The following ATP6V0A2 variants were observed in gnomAD, a reference collection of about 807,000 sequenced individuals.
ATP6V0A2 encodes the protein ATPase H+ transporting V0 subunit a2, also known as V-type proton ATPase 116 kDa subunit a 2.
ATP6V0A2 carries 58 observed loss-of-function variants against 104.4 expected under a neutral mutation model. That is an observed-to-expected ratio of 0.56 (90% CI 0.45 to 0.69). The LOEUF is 0.69. Among genes scored for constraint, ATP6V0A2 ranks in the 30% least tolerant of loss-of-function variants. The pLI, the probability that ATP6V0A2 is intolerant of heterozygous loss-of-function variation, is 0.00. For synonymous variants in ATP6V0A2, 376 were observed against 397.9 expected (o/e 0.95, Z 0.65); for missense variants, 938 against 1,062.9 (o/e 0.88, Z 1.63).
chr12:123,744,292 G>C lies in ATP6V0A2; in HGVS notation c.1281G>C (p.Leu427Phe). Residue 427 changes from leucine (L) to phenylalanine (F), a missense_variant, in exon 11 of 20, where the codon TTG becomes TTC. Physicochemically the swap from Leu to Phe is conservative, Grantham distance 22. Coordinates refer to ENST00000330342, the MANE Select transcript of ATP6V0A2 (RefSeq NM_012463.4). The surrounding 1 kb of genome is among the most constrained non-coding windows in gnomAD (Gnocchi z 5.4). ...HGFVMFLFAL[L>F]LVLNENHPRL... Reference sequence around the variant, plus strand: ...TTGTGATGTTTTTATTTGCCCTCTTGTTGGTGTTAAATGAAAATCATCCCA... The same window carrying C: ...TTGTGATGTTTTTATTTGCCCTCTTCTTGGTGTTAAATGAAAATCATCCCA... 2 of 1,614,138 alleles carry C rather than the reference G, an allele frequency of 1.2e-6. No individual in the cohort carries two copies. Among genetic ancestry groups the C allele is most frequent in the Non-Finnish European group, 8.5e-7 (1 of 1,180,032 alleles).
chr12:123,729,667 A>G (rs923519693), intron 6 of ATP6V0A2, among the ~76,000 whole-genome samples: 1 of 152,156 alleles, frequency 6.6e-6, no homozygotes, highest in African/African-American at 2.4e-5. Flanking sequence ...CTGATCTACT[A>G]AAGGTGGAAA....
rs778719933 is a variant in ATP6V0A2 at position 123,737,063 on chromosome 12, T to C, written c.830T>C (p.Leu277Pro). 1 of 1,614,208 alleles carries C rather than the reference T, an allele frequency of 6.2e-7. No homozygotes were observed. Among genetic ancestry groups the C allele is most frequent in the Non-Finnish European group, 8.5e-7 (1 of 1,180,018 alleles). Residue 277 changes from leucine (L) to proline (P), a missense_variant, in exon 9 of 20, where the codon CTG becomes CCG. Physicochemically the swap from Leu to Pro is moderately conservative, Grantham distance 98 (BLOSUM62 -3). Coordinates refer to ENST00000330342, the MANE Select transcript of ATP6V0A2 (RefSeq NM_012463.4). Reference protein sequence around the residue: ...NTRIQDLYTVLHKTEDYLRQV... With the variant: ...NTRIQDLYTVPHKTEDYLRQV... ...GCCCCTGTTGTTCTTCCCCAGGTAC[T>C]GCACAAAACCGAGGACTATTTGAGG...
chr12:123,751,965 A>G (rs1956719439), intron 16 of ATP6V0A2, among the ~76,000 whole-genome samples: 1 of 150,856 alleles, frequency 6.6e-6, no homozygotes, highest in African/African-American at 2.4e-5. Context: ...GGTTCAAGCA[A>G]TTCTCTTGCC....
rs569762516 is a variant in ATP6V0A2, at chr12:123,759,013, T to C, written c.*981T>C. 2.0e-5 allele frequency: 3 copies of C among 152,778 alleles called. No individual in the cohort carries two copies. The highest frequency in any genetic ancestry group is 2.1e-4 in the South Asian group (1 of 4,832). The allele number at this position is 152,778 out of a possible 1,614,324, so 9.5% of individuals were successfully genotyped here. ...TACATAAAACCAGTTATGATAATTG[T>C]ATGTTTGGAAGATAAATTGTATGCT... On this transcript the variant is annotated 3_prime_UTR_variant, in exon 20 of 20. Transcript: ENST00000330342.
chr12:123,751,850 C>CT, intron 16 of ATP6V0A2, among the ~76,000 whole-genome samples: 4 of 113,606 alleles, frequency 3.5e-5, no homozygotes, highest in Admixed American at 2.0e-4. Context: ...CTTTTCTTTT[C>CT]TTTCTTTCTT....
At chr12:123,735,509 G>A (rs1456259047) in intron 7 of ATP6V0A2, 22 bp from the exon 8 acceptor site, 4 of 1,604,092 alleles carry the variant, frequency 2.5e-6, no homozygotes, top group Admixed American at 1.7e-5. Context: ...ATGTGAGACT[G>A]TGTTCAACTC....
At position 123,728,830 on chromosome 12, in the gene ATP6V0A2, C is replaced by G. The variant is rs183965984; in HGVS notation, c.648+921C>G. Among the ~76,000 whole-genome samples, 144 of 150,104 alleles carry G rather than the reference C, an allele frequency of 9.6e-4. 1 individual carries two copies. In the East Asian group the frequency reaches 0.023, roughly 24 times the overall value. ...TTAGTTCCATTACTGGTCATGGTCC[C>G]TCTGATCACTTGATTAGTTCCATTA... On this transcript the variant is annotated intron_variant, in intron 6 of 19. Transcript: ENST00000330342.
At chr12:123,718,538 C>T in intron 1 of ATP6V0A2, 85 bp from the exon 2 acceptor site, 1 of 1,022,020 alleles carries the variant, frequency 9.8e-7, no homozygotes, top group Admixed American at 1.9e-5. Flanking sequence ...TGTACATCCC[C>T]CAAACTTTGG....
intron 1 of ATP6V0A2, among the ~76,000 whole-genome samples, chr12:123,713,272 A>C (rs1188139569): frequency 6.6e-6 from 1 of 151,910 alleles, no homozygotes; most frequent in Non-Finnish European, 1.5e-5. Flanking sequence ...GCTGGATGTC[A>C]TCTGCTTGAG....
In ATP6V0A2 at chr12:123,758,128, C is replaced by T; in HGVS notation, c.*96C>T. 3.5e-6 allele frequency: 3 copies of T among 847,348 alleles called. No homozygotes were observed. Among genetic ancestry groups the T allele is most frequent in the Non-Finnish European group, 4.0e-6 (2 of 504,434 alleles). The allele number at this position is 847,348 out of a possible 1,614,324, so 52.5% of individuals were successfully genotyped here. A position where few individuals can be genotyped will look rare whatever the true frequency, so the allele number is the denominator to read the frequency against. On this transcript the variant is annotated 3_prime_UTR_variant, in exon 20 of 20. Coordinates refer to ENST00000330342, the MANE Select transcript of ATP6V0A2 (RefSeq NM_012463.4). ...AGATTTATGATAGGAAAAATTCCAT[C>T]TTCATTACTGCCTTATGACATAGCC...
intron 7 of ATP6V0A2, among the ~76,000 whole-genome samples, chr12:123,735,088 G>A (rs1303227499): frequency 6.6e-6 from 1 of 152,046 alleles, no homozygotes; most frequent in Admixed American, 6.6e-5. Flanking sequence ...GGCCCTGAGA[G>A]GACCTGTCAA....
rs779309271 is a variant in ATP6V0A2 at position 123,747,726 on chromosome 12, G to A, written c.1724+1G>A. 6.4e-7 allele frequency: 1 copy of A among 1,561,604 alleles called. No individual in the cohort carries two copies. The highest frequency in any genetic ancestry group is 8.8e-7 in the Non-Finnish European group (1 of 1,132,710). On this transcript the variant is annotated splice_donor_variant, in intron 14 of 19. Transcript: ENST00000330342. LOFTEE classifies it high-confidence loss of function. ...TCATTCTGGGAATATTTAACCACTT[G>A]TAAGTACAGATTTTTTTTTAAGCAA...
At chr12:123,745,221 AC>A (rs1956649803) in intron 13 of ATP6V0A2, among the ~76,000 whole-genome samples, 1 of 152,098 alleles carries the variant, frequency 6.6e-6, no homozygotes, top group African/African-American at 2.4e-5. Context: ...CATGTGTCCT[AC>A]CTATTTTCCT....
chr12:123,717,314 C>CAAAAAAA (rs538974425), intron 1 of ATP6V0A2, among the ~76,000 whole-genome samples: 60 of 106,816 alleles, frequency 5.6e-4, no homozygotes, highest in African/African-American at 1.6e-3. Context: ...AACTCTGTCT[C>CAAAAAAA]AAAAAAAAAA....
intron 9 of ATP6V0A2, among the ~76,000 whole-genome samples, chr12:123,742,727 T>G (rs1167547482): frequency 6.6e-6 from 1 of 151,808 alleles, no homozygotes; most frequent in African/African-American, 2.4e-5. Flanking sequence ...TCCCAACTAC[T>G]TGGGAGGCTG....
At chr12:123,712,710 G>A (rs1281428212) in intron 1 of ATP6V0A2, 28 bp downstream of exon 1, 3 of 1,571,438 alleles carry the variant, frequency 1.9e-6, no homozygotes, top group Admixed American at 1.7e-5. Context: ...GACGCGGGCC[G>A]CACCTGCTCT....
intron 9 of ATP6V0A2, among the ~76,000 whole-genome samples, chr12:123,740,145 AAAACAAACAAAC>A (rs10661679): frequency 6.7e-6 from 1 of 148,620 alleles, no homozygotes; most frequent in African/African-American, 2.5e-5. Context: ...CCTTGTCTCA[AAAACAAACAAAC>A]AAACAAACAA....
intron 18 of ATP6V0A2, 69 bp downstream of exon 18, chr12:123,754,606 G>A (rs763868474): frequency 3.5e-5 from 40 of 1,143,270 alleles, no homozygotes; most frequent in Non-Finnish European, 5.3e-5. Context: ...GGCACTGTGG[G>A]ATATTTTAAC....
At chr12:123,722,881 C>A (rs1956413584) in intron 3 of ATP6V0A2, among the ~76,000 whole-genome samples, 1 of 151,938 alleles carries the variant, frequency 6.6e-6, no homozygotes, top group South Asian at 2.1e-4. Flanking sequence ...CTGGCCCTTC[C>A]CCTCTAAATT....
Sources: allele counts gnomAD v4.1 joint callset (sites outside exome capture counted in the v4.1 genomes callset), GRCh38; gene constraint gnomAD v4.1.1; non-coding constraint Gnocchi (gnomAD v3.1); transcripts MANE v1.5; gene names NCBI Gene and HGNC (gene_info 2026-07-23, HGNC 2026-07-21).